The following CACNA1C variants were observed in gnomAD, a reference collection of about 807,000 sequenced individuals.
CACNA1C encodes voltage-dependent L-type calcium channel subunit alpha-1C.
CACNA1C carries 30 observed loss-of-function variants against 229.0 expected under a neutral mutation model. That is an observed-to-expected ratio of 0.13 (90% CI 0.10 to 0.18). The LOEUF (loss-of-function observed/expected upper bound fraction) is 0.18. CACNA1C is among the 10% of genes least tolerant of loss of function. CACNA1C has a pLI of 1.00. For missense variants in CACNA1C, 1,658 were observed against 2,845.0 expected, an observed-to-expected ratio of 0.58 and a Z score of 9.49; for synonymous variants, 1,114 against 1,132.5, an observed-to-expected ratio of 0.98 and a Z score of 0.33.
intron 3 of CACNA1C, among the ~76,000 whole-genome samples, chr12:2,187,717 G>A (rs965166093): frequency 5.3e-5 from 8 of 152,230 alleles, no homozygotes; most frequent in East Asian, 3.9e-4. Context: ...CCACAGGGGC[G>A]GCGATTGGTT....
At chr12:2,420,899 A>G (rs998058946) in intron 3 of CACNA1C, among the ~76,000 whole-genome samples, 2 of 152,156 alleles carry the variant, frequency 1.3e-5, no homozygotes, top group Admixed American at 6.5e-5. Context: ...TGGAGCCCCG[A>G]ATGTCCTTGG....
chr12:2,209,153 C>T (rs1463791981), intron 3 of CACNA1C, among the ~76,000 whole-genome samples: 4 of 152,166 alleles, frequency 2.6e-5, no homozygotes, highest in Admixed American at 6.5e-5. Flanking sequence ...ATCAGTAAGA[C>T]GCAGCGAGTC....
intron 3 of CACNA1C, among the ~76,000 whole-genome samples, chr12:2,307,608 A>G (rs1019097746): frequency 7.2e-5 from 11 of 152,194 alleles, no homozygotes; most frequent in African/African-American, 1.9e-4. Context: ...AGAATCATCC[A>G]TCTTGAAGGG....
intron 4 of CACNA1C, among the ~76,000 whole-genome samples, chr12:2,456,958 T>G (rs1054657207): frequency 2.6e-5 from 4 of 152,218 alleles, no homozygotes; most frequent in Non-Finnish European, 5.9e-5. Context: ...AGCTCAGACC[T>G]AAAGTGGCAG....
chr12:2,217,898 C>T (rs187588023), intron 3 of CACNA1C: 8 of 152,228 alleles, frequency 5.3e-5, no homozygotes, highest in Non-Finnish European at 8.8e-5. Flanking sequence ...CTGCTCAGGC[C>T]GTCGGGAAAT....
chr12:2,688,352 A>G lies in CACNA1C; in HGVS notation c.5785-95A>G, dbSNP rs963066962. The stretch of plus-strand genomic sequence containing the variant: ...ACCAGGCAGGTGGAGCTAGCTGGAC[A>G]CAGCAGCTGCAAAGCAGTGCTTGCT... On this transcript the variant is annotated intron_variant, in intron 45 of 46. Transcript: ENST00000399655. 7.2e-5 allele frequency: 83 copies of G among 1,155,302 alleles called. No individual in the cohort carries two copies. In the South Asian group the frequency reaches 9.7e-4, roughly 14 times the overall value. The allele number at this position is 1,155,302 out of a possible 1,614,324, so 71.6% of individuals were successfully genotyped here.
chr12:2,566,300 T>C lies in CACNA1C; in HGVS notation c.1509-122T>C, dbSNP rs954648046. The stretch of plus-strand genomic sequence containing the variant: ...AGAAGCTGGGCTCCTTGCCACCAGA[T>C]TGGGCTGCTCTAGCAAGGCCAGATC... On this transcript the variant is annotated intron_variant, in intron 11 of 46. Coordinates refer to ENST00000399655, the MANE Select transcript of CACNA1C (RefSeq NM_000719.7). The surrounding 1 kb of genome is among the most constrained non-coding windows in gnomAD (Gnocchi z 4.0). 1.0e-5 allele frequency: 9 copies of C among 868,024 alleles called. No individual in the cohort carries two copies. In the Admixed American group the frequency reaches 2.0e-4, roughly 19 times the overall value. 53.8% of individuals were successfully genotyped at this position (868,024 alleles called of 1,614,324 possible). A position where few individuals can be genotyped will look rare whatever the true frequency, so the allele number is the denominator to read the frequency against.
At chr12:2,279,344 A>T (rs576601873) in intron 3 of CACNA1C, among the ~76,000 whole-genome samples, 1 of 152,216 alleles carries the variant, frequency 6.6e-6, no homozygotes, top group South Asian at 2.1e-4. Flanking sequence ...AAGGCTTAAA[A>T]TCAGATAGTG....
chr12:2,565,396 A>G (rs111825613), intron 11 of CACNA1C, among the ~76,000 whole-genome samples: 16,632 of 150,422 alleles, frequency 0.11, 1,133 homozygotes, highest in Non-Finnish European at 0.15. Flanking sequence ...GAACCCGGGA[A>G]GCGGAGCTTG....
In CACNA1C at chr12:2,679,923, C is replaced by G; in HGVS notation, c.5444+127C>G. The stretch of plus-strand genomic sequence containing the variant: ...CTCAAGCTTCCAGGAGGTTGCTGCC[C>G]CAGACTCCAGCAAGAGCAGGAGGCA... On this transcript the variant is annotated intron_variant, in intron 42 of 46. Coordinates refer to ENST00000399655, the MANE Select transcript of CACNA1C (RefSeq NM_000719.7). This position sits in a 1 kb window ranked among gnomAD's most constrained non-coding sequence, Gnocchi z 5.5. 1.5e-6 allele frequency: 1 copy of G among 686,812 alleles called. No individual in the cohort carries two copies. The highest frequency in any genetic ancestry group is 2.5e-6 in the Non-Finnish European group (1 of 407,592). The allele number at this position is 686,812 out of a possible 1,614,324, so 42.5% of individuals were successfully genotyped here. A position where few individuals can be genotyped will look rare whatever the true frequency, so the allele number is the denominator to read the frequency against.
chr12:2,464,829 T>C, intron 5 of CACNA1C, among the ~76,000 whole-genome samples: 1 of 152,136 alleles, frequency 6.6e-6, no homozygotes, highest in East Asian at 1.9e-4. Context: ...AATTTTTCCT[T>C]GCTCAGGTGA....
intron 1 of CACNA1C, among the ~76,000 whole-genome samples, chr12:2,006,591 GATACGGCACAC>G (rs1364393204): frequency 1.3e-5 from 2 of 152,078 alleles, no homozygotes; most frequent in Non-Finnish European, 2.9e-5. Flanking sequence ...AAATATCATA[GATACGGCACAC>G]ATACCCTCTC....
At chr12:2,272,644 T>G (rs1170944388) in intron 3 of CACNA1C, among the ~76,000 whole-genome samples, 1 of 152,292 alleles carries the variant, frequency 6.6e-6, no homozygotes, top group Non-Finnish European at 1.5e-5. Flanking sequence ...GAGCAGTCAC[T>G]CCAAGGCAGT....
intron 1 of CACNA1C, among the ~76,000 whole-genome samples, chr12:2,020,733 T>A (rs1327127508): frequency 6.6e-6 from 1 of 152,118 alleles, no homozygotes; most frequent in Non-Finnish European, 1.5e-5. Context: ...AGCACTGAAA[T>A]TGCACCAAAT....
At chr12:2,411,336 C>G (rs2098805238) in intron 3 of CACNA1C, among the ~76,000 whole-genome samples, 1 of 152,092 alleles carries the variant, frequency 6.6e-6, no homozygotes, top group Admixed American at 6.5e-5. Context: ...GCCCTAGGAC[C>G]TTTAGGGACA....
At chr12:2,316,573 T>C (rs1289924998) in intron 3 of CACNA1C, among the ~76,000 whole-genome samples, 1 of 152,240 alleles carries the variant, frequency 6.6e-6, no homozygotes, top group Admixed American at 6.5e-5. Flanking sequence ...TTGGTCATCC[T>C]GTATACCGTG....
intron 3 of CACNA1C, among the ~76,000 whole-genome samples, chr12:2,334,397 C>A (rs559701235): frequency 6.6e-6 from 1 of 152,182 alleles, no homozygotes; most frequent in African/African-American, 2.4e-5. Context: ...AGGACAGGAG[C>A]GCTGGTTCAT....
chr12:2,624,214 C>T (rs955540337), intron 29 of CACNA1C, among the ~76,000 whole-genome samples: 1 of 152,222 alleles, frequency 6.6e-6, no homozygotes, highest in African/African-American at 2.4e-5. Flanking sequence ...TTCTGGAAAT[C>T]TGTAGGGCGT....
At chr12:2,043,848 G>T (rs1175359616) in intron 1 of CACNA1C, among the ~76,000 whole-genome samples, 1 of 146,054 alleles carries the variant, frequency 6.8e-6, no homozygotes, top group African/African-American at 2.6e-5. Context: ...GTAGAGACGG[G>T]GTTTCACCTT....
Sources: gnomAD v4.1 joint callset for allele counts (sites outside exome capture counted in the v4.1 genomes callset) on GRCh38, gnomAD v4.1.1 for gene constraint, Gnocchi (gnomAD v3.1) non-coding constraint, MANE v1.5 for transcripts, NCBI Gene and HGNC (gene_info 2026-07-23, HGNC 2026-07-21) for gene names.